Variants in CHST12 observed in about 807,000 individuals in gnomAD.
CHST12 encodes carbohydrate (chondroitin 4) sulfotransferase 12.
CHST12 carries 23 observed loss-of-function variants against 27.9 expected under a neutral mutation model. The observed-to-expected ratio is 0.82, with a 90% CI of 0.59 to 1.17. The LOEUF (loss-of-function observed/expected upper bound fraction) is 1.17, where lower values mean the gene tolerates loss of function less well. Ranked by LOEUF, CHST12 falls within the 50% of genes most tolerant of loss-of-function variation. The pLI is 0.00. For missense variants in CHST12, 682 were observed against 603.0 expected, an observed-to-expected ratio of 1.13 and a Z score of -1.37; for synonymous variants, 322 against 273.0, an observed-to-expected ratio of 1.18 and a Z score of -1.77.
At chr7:2,419,970 T>G (rs1781922755) in intron 1 of CHST12, among the ~76,000 whole-genome samples, 1 of 124,976 alleles carries the variant, frequency 8.0e-6, no homozygotes, top group African/African-American at 3.2e-5. Context: ...ATATTTGTCT[T>G]TTTTTTTTTT....
In CHST12 at chr7:2,437,122, C is replaced by G. The variant is rs920833128; in HGVS notation, c.*3238C>G. On this transcript the variant is annotated 3_prime_UTR_variant, in exon 2 of 2. Coordinates refer to ENST00000618655, the MANE Select transcript of CHST12 (RefSeq NM_018641.5). ...ACATTTTATGAAAATTGGCATCGTA[C>G]AACTGGAAAATTTAACCATAAACTT... 5 of 152,242 alleles carry G rather than the reference C, an allele frequency of 3.3e-5. No individual in the cohort carries two copies. Among genetic ancestry groups the G allele is most frequent in the Admixed American group, 2.6e-4 (4 of 15,282 alleles). The allele number at this position is 152,242 out of a possible 1,614,324, so 9.4% of individuals were successfully genotyped here. A position where few individuals can be genotyped will look rare whatever the true frequency, so the allele number is the denominator to read the frequency against.
intron 1 of CHST12, among the ~76,000 whole-genome samples, chr7:2,419,401 CAAAAAAAA>C (rs35870806): frequency 1.8e-5 from 2 of 113,088 alleles, no homozygotes; most frequent in Non-Finnish European, 1.8e-5. Context: ...ACCCTGTCTC[CAAAAAAAA>C]AAAAAAAAAA....
intron 1 of CHST12, among the ~76,000 whole-genome samples, chr7:2,408,989 T>C (rs79297732): frequency 0.012 from 1,780 of 152,008 alleles, 17 homozygotes; most frequent in Admixed American, 0.021. Flanking sequence ...GTTGGCAGAG[T>C]TGGGGCGGGA....
rs371371676 is a variant in CHST12 at position 2,440,404 on chromosome 7, AATGT to A, written c.*6521_*6524del. On this transcript the variant is annotated 3_prime_UTR_variant, in exon 2 of 2. Coordinates refer to ENST00000618655, the MANE Select transcript of CHST12 (RefSeq NM_018641.5). The stretch of plus-strand genomic sequence containing the variant: ...GTGAGTCTGCACTTGTGTGCAAGAG[AATGT>A]GTGTGTGTGTGTGTTTGGAGATTTG... 1.5e-3 allele frequency: 231 copies of A among 153,464 alleles called. No homozygotes were observed. Among genetic ancestry groups the A allele is most frequent in the African/African-American group, 5.2e-3 (215 of 41,406 alleles). 9.5% of individuals were successfully genotyped at this position (153,464 alleles called of 1,614,324 possible).
rs1484498130 is a variant in CHST12 at position 2,437,234 on chromosome 7, G to A, written c.*3350G>A. 1 of 152,304 alleles carries A rather than the reference G, an allele frequency of 6.6e-6. No homozygotes were observed. The highest frequency in any genetic ancestry group is 1.9e-4 in the East Asian group (1 of 5,206). The allele number at this position is 152,304 out of a possible 1,614,324, so 9.4% of individuals were successfully genotyped here. ...TGAGAATGACTTGGTTGGGTGCGGG[G>A]TGGTGTCACAAAGCCCTGTCTCTTG... On this transcript the variant is annotated 3_prime_UTR_variant, in exon 2 of 2. Coordinates refer to ENST00000618655, the MANE Select transcript of CHST12 (RefSeq NM_018641.5).
At chr7:2,417,093 A>G (rs570192046) in intron 1 of CHST12, among the ~76,000 whole-genome samples, 2 of 152,294 alleles carry the variant, frequency 1.3e-5, no homozygotes, top group African/African-American at 4.8e-5. Flanking sequence ...GGCTCACACA[A>G]TTACGGAGGC....
rs549186201 is a variant in CHST12, at chr7:2,433,709, A to T, written c.1070A>T (p.Gln357Leu). ...GCCGCGCAGCTGCTGCAGCTACTCC[A>T]GGTGGACCGGCAGCTCCGCTTCCCC... ...EDAAQLLQLL[Q>L]VDRQLRFPPS... The change falls in exon 2 of 2, where the codon CAG becomes CTG. Residue 357 changes from glutamine (Q) to leucine (L), a missense_variant. Coordinates refer to ENST00000618655, the MANE Select transcript of CHST12 (RefSeq NM_018641.5). This position sits in a 1 kb window ranked among gnomAD's most constrained non-coding sequence, Gnocchi z 6.1. 4 of 1,613,712 alleles carry T rather than the reference A, an allele frequency of 2.5e-6. No individual in the cohort carries two copies. In the South Asian group the frequency reaches 4.4e-5, roughly 18 times the overall value.
At chr7:2,404,452 ACTCGGAAGCCCCGGGG>A (rs1781468138) in intron 1 of CHST12, among the ~76,000 whole-genome samples, 1 of 152,046 alleles carries the variant, frequency 6.6e-6, no homozygotes, top group African/African-American at 2.4e-5. Flanking sequence ...GGCTGTGGGG[ACTCGGAAGCCCCGGGG>A]TGAATAGGAA....
Position 2,445,790 on chromosome 7 carries a change from C to T in CHST12, c.*11906C>T, listed in dbSNP as rs140743290. 1 of 152,326 alleles carries T rather than the reference C, an allele frequency of 6.6e-6. No homozygotes were observed. Among genetic ancestry groups the T allele is most frequent in the East Asian group, 1.9e-4 (1 of 5,182 alleles). 9.4% of individuals were successfully genotyped at this position (152,326 alleles called of 1,614,324 possible). Reference sequence around the variant, plus strand: ...CTGGGTGCCCGCCCACAGGTGTCACCCTTTAAGGAGAAAGTGGCCTGGGGC... The same window carrying T: ...CTGGGTGCCCGCCCACAGGTGTCACTCTTTAAGGAGAAAGTGGCCTGGGGC... On this transcript the variant is annotated 3_prime_UTR_variant, in exon 2 of 2. Coordinates refer to ENST00000618655, the MANE Select transcript of CHST12 (RefSeq NM_018641.5).
upstream of CHST12, chr7:2,403,468 C>A (rs1054194730): frequency 1.1e-4 from 16 of 151,766 alleles, no homozygotes; most frequent in South Asian, 1.8e-4. Flanking sequence ...GCGGGCTGGC[C>A]GGGCGCAGGC....
At position 2,443,854 on chromosome 7, in the gene CHST12, A is replaced by C. The variant is rs1782679193; in HGVS notation, c.*9970A>C. 1 of 152,160 alleles carries C rather than the reference A, an allele frequency of 6.6e-6. No homozygotes were observed. The highest frequency in any genetic ancestry group is 6.6e-5 in the Admixed American group (1 of 15,256). The allele number at this position is 152,160 out of a possible 1,614,324, so 9.4% of individuals were successfully genotyped here. The stretch of plus-strand genomic sequence containing the variant: ...TCAAACCATGGATGGTGCCTTTTAA[A>C]GAAAATGACACCGGCCAGGTGCGGT... On this transcript the variant is annotated 3_prime_UTR_variant, in exon 2 of 2. Transcript: ENST00000618655.
intron 1 of CHST12, among the ~76,000 whole-genome samples, chr7:2,404,826 C>T (rs992802889): frequency 2.6e-5 from 4 of 152,254 alleles, no homozygotes; most frequent in Admixed American, 6.5e-5. Context: ...TAACTGTCTG[C>T]TGTCACTCAG....
intron 1 of CHST12, among the ~76,000 whole-genome samples, chr7:2,426,088 T>C (rs1335174649): frequency 6.6e-6 from 1 of 151,992 alleles, no homozygotes; most frequent in Non-Finnish European, 1.5e-5. Context: ...ATGGGCATCG[T>C]GCGAAGGGAC....
intron 1 of CHST12, among the ~76,000 whole-genome samples, chr7:2,430,507 G>C (rs937960331): frequency 6.6e-6 from 1 of 151,882 alleles, no homozygotes; most frequent in Admixed American, 6.6e-5. Context: ...TAGTAGAGAC[G>C]GGGTTTCACC....
intron 1 of CHST12, among the ~76,000 whole-genome samples, chr7:2,414,171 G>A (rs111259205): frequency 6.6e-4 from 100 of 152,112 alleles, no homozygotes; most frequent in African/African-American, 2.4e-3. Context: ...TTTATTTTCC[G>A]TTGTAAGAGC....
At chr7:2,419,867 C>T (rs1053531163) in intron 1 of CHST12, among the ~76,000 whole-genome samples, 2 of 151,812 alleles carry the variant, frequency 1.3e-5, no homozygotes, top group South Asian at 2.1e-4. Flanking sequence ...ACACAAACTC[C>T]CATCCCCCTC....
Position 2,422,702 on chromosome 7 carries a change from A to G in CHST12, c.-77-9861A>G, listed in dbSNP as rs1162051987. Among the ~76,000 whole-genome samples the G allele has an allele frequency of 2.7e-5, 4 of 150,872 alleles. No individual in the cohort carries two copies. The South Asian group carries it at 6.3e-4, about 24-fold the overall frequency. ...AGGCACACACCACCACACCCAGCTA[A>G]TTTTTGTATTTTTAGTAGAGACAGG... On this transcript the variant is annotated intron_variant, in intron 1 of 1. Transcript: ENST00000618655.
rs1782426514 is a variant in CHST12 at position 2,434,612 on chromosome 7, A to G, written c.*728A>G. The G allele has an allele frequency of 7.1e-6, 1 of 140,150 alleles. No individual in the cohort carries two copies. Among genetic ancestry groups the G allele is most frequent in the Non-Finnish European group, 1.4e-5 (1 of 69,544 alleles). 8.7% of individuals were successfully genotyped at this position (140,150 alleles called of 1,614,324 possible). ...AAAAAAAAAAAAAAAAAAAAAAAAA[A>G]AAAATGAGTCGGGTGTGGTGGTGTG... On this transcript the variant is annotated 3_prime_UTR_variant, in exon 2 of 2. Coordinates refer to ENST00000618655, the MANE Select transcript of CHST12 (RefSeq NM_018641.5).
At position 2,434,083 on chromosome 7, in the gene CHST12, A is replaced by G; in HGVS notation, c.*199A>G. ...GAAATGTGGAAGGGAATGCTGGAGT[A>G]AAATATCCCCTCTCCCCTCCGCCCG... On this transcript the variant is annotated 3_prime_UTR_variant, in exon 2 of 2. Transcript: ENST00000618655. The G allele has an allele frequency of 2.1e-6, 1 of 477,362 alleles. No individual in the cohort carries two copies. Among genetic ancestry groups the G allele is most frequent in the South Asian group, 4.5e-5 (1 of 22,068 alleles). The allele number at this position is 477,362 out of a possible 1,614,324, so 29.6% of individuals were successfully genotyped here. A position where few individuals can be genotyped will look rare whatever the true frequency, so the allele number is the denominator to read the frequency against.
Sources: allele counts gnomAD v4.1 joint callset (sites outside exome capture counted in the v4.1 genomes callset), GRCh38; gene constraint gnomAD v4.1.1; non-coding constraint Gnocchi (gnomAD v3.1); transcripts MANE v1.5; gene names NCBI Gene and HGNC (gene_info 2026-07-23, HGNC 2026-07-21).